RAB27B: variants seen among roughly 807,000 people sequenced by gnomAD.
RAB27B encodes the protein ras-related protein Rab-27B.
In RAB27B, 15 loss-of-function variants were observed where a neutral mutation model predicts 24.6. The ratio of observed to expected loss-of-function variants is 0.61; its 90% confidence interval spans 0.41 to 0.94. RAB27B has a LOEUF of 0.94. Ranked by LOEUF, RAB27B falls within the 40% of genes least tolerant of loss-of-function variation. The pLI is 0.00. For synonymous variants in RAB27B, 105 were observed against 92.5 expected (o/e 1.14, Z -0.78); for missense variants, 261 against 266.8 (o/e 0.98, Z 0.15).
In RAB27B at chr18:54,892,151, T is replaced by C. The variant is rs149053976; in HGVS notation, c.*2738T>C. 164 of 152,236 alleles carry C rather than the reference T, an allele frequency of 1.1e-3. 1 individual carries two copies. The highest frequency in any genetic ancestry group is 3.9e-3 in the African/African-American group (163 of 41,562). 9.4% of individuals were successfully genotyped at this position (152,236 alleles called of 1,614,324 possible). The stretch of plus-strand genomic sequence containing the variant: ...AGCCAAGATATGTCCTGTTACTAAG[T>C]ATCTCCCAATGCTTTAGTAAAACGT... On this transcript the variant is annotated 3_prime_UTR_variant, in exon 6 of 6. Coordinates refer to ENST00000262094, the MANE Select transcript of RAB27B (RefSeq NM_004163.4).
At chr18:54,755,902 C>T (rs1405964690) in intron 2 of RAB27B, among the ~76,000 whole-genome samples, 1 of 152,024 alleles carries the variant, frequency 6.6e-6, no homozygotes. Context: ...AAGCAAATAC[C>T]AGCGCCACCA....
At chr18:54,792,162 C>T (rs865775614) in intron 2 of RAB27B, among the ~76,000 whole-genome samples, 2 of 152,194 alleles carry the variant, frequency 1.3e-5, no homozygotes, top group Non-Finnish European at 1.5e-5. Flanking sequence ...CACATGCCCA[C>T]TGGGTCTTCA....
At chr18:54,762,015 G>C (rs1819895) in intron 2 of RAB27B, among the ~76,000 whole-genome samples, 70,197 of 151,994 alleles carry the variant, frequency 0.46, 17,696 homozygotes, top group Middle Eastern at 0.58. Flanking sequence ...AAAAAGAGAA[G>C]ATACAGAAAC....
At chr18:54,761,839 C>T (rs573910919) in intron 2 of RAB27B, among the ~76,000 whole-genome samples, 1 of 152,274 alleles carries the variant, frequency 6.6e-6, no homozygotes, top group African/African-American at 2.4e-5. Context: ...TTCCCTGTAG[C>T]AGATTGACTA....
chr18:54,841,715 G>T (rs892368577), intron 1 of RAB27B, among the ~76,000 whole-genome samples: 1 of 152,288 alleles, frequency 6.6e-6, no homozygotes. Context: ...GTCCACCGTT[G>T]TAAACTAAAT....
intron 2 of RAB27B, among the ~76,000 whole-genome samples, chr18:54,733,660 C>CCCA (rs1909799655): frequency 7.2e-6 from 1 of 139,288 alleles, no homozygotes; most frequent in Admixed American, 7.1e-5. Context: ...GCCCCCCCCC[C>CCCA]CCAAATTTGC....
chr18:54,777,192 A>G (rs973820856), intron 2 of RAB27B, among the ~76,000 whole-genome samples: 1 of 152,254 alleles, frequency 6.6e-6, no homozygotes, highest in African/African-American at 2.4e-5. Context: ...AATAAAATGC[A>G]TGAAATGTTA....
At chr18:54,799,708 C>A (rs1909540823) in intron 2 of RAB27B, among the ~76,000 whole-genome samples, 2 of 145,042 alleles carry the variant, frequency 1.4e-5, no homozygotes, top group Admixed American at 1.5e-4. Context: ...CGGCTCACTG[C>A]AAGCTCTGCC....
intron 4 of RAB27B, 58 bp from the exon 5 acceptor site, chr18:54,887,937 T>C (rs1913210958): frequency 6.4e-7 from 1 of 1,569,468 alleles, no homozygotes; most frequent in Non-Finnish European, 8.7e-7. Flanking sequence ...ATAAGAGCAG[T>C]CATTTGACAT....
At chr18:54,868,603 C>CATTGTT (rs1555666518) in intron 1 of RAB27B, among the ~76,000 whole-genome samples, 1 of 150,922 alleles carries the variant, frequency 6.6e-6, no homozygotes, top group Non-Finnish European at 1.5e-5. Context: ...CTCTCAGTTT[C>CATTGTT]GTTGTTGTTG....
chr18:54,799,297 G>A (rs1054409061), intron 2 of RAB27B, among the ~76,000 whole-genome samples: 1 of 151,978 alleles, frequency 6.6e-6, no homozygotes, highest in Non-Finnish European at 1.5e-5. Flanking sequence ...TAACTTAATG[G>A]CACTTTGCTT....
intron 2 of RAB27B, among the ~76,000 whole-genome samples, chr18:54,805,115 T>TAGAGCCTCAGCGAGTTA (rs977852240): frequency 2.0e-5 from 3 of 151,994 alleles, no homozygotes; most frequent in Non-Finnish European, 4.4e-5. Flanking sequence ...GCATCCTCCC[T>TAGAGCCTCAGCGAGTTA]AGAGCCTCAG....
At chr18:54,760,992 ATTCT>A (rs1908168802) in intron 2 of RAB27B, among the ~76,000 whole-genome samples, 1 of 108,578 alleles carries the variant, frequency 9.2e-6, no homozygotes, top group Admixed American at 9.3e-5. Flanking sequence ...AAGGAGAGGT[ATTCT>A]TTTTTTTTTT....
At chr18:54,796,919 G>A (rs1287007752) in intron 2 of RAB27B, among the ~76,000 whole-genome samples, 2 of 152,204 alleles carry the variant, frequency 1.3e-5, no homozygotes, top group Non-Finnish European at 2.9e-5. Context: ...CCACACAGTA[G>A]TTGGTCCTGA....
rs553797275 is a variant in RAB27B, at chr18:54,791,189, C to A, written c.-20+73048C>A. On this transcript the variant is annotated intron_variant, in intron 2 of 4. Coordinates refer to the RAB27B transcript ENST00000586570. ...TATAGGCTTGTCTCACAATAGTGAT[C>A]TAGAGCATTAAAAAAAGAAAAAAGA... Among the ~76,000 whole-genome samples the A allele has an allele frequency of 2.6e-5, 4 of 151,404 alleles. No individual in the cohort carries two copies. The South Asian group carries it at 8.4e-4, about 32-fold the overall frequency.
chr18:54,852,913 G>A (rs1911641953), intron 1 of RAB27B, among the ~76,000 whole-genome samples: 1 of 152,150 alleles, frequency 6.6e-6, no homozygotes, highest in African/African-American at 2.4e-5. Context: ...AATGCAGGAT[G>A]TAGACACAGA....
At chr18:54,881,090 A>G (rs909449679) in intron 3 of RAB27B, among the ~76,000 whole-genome samples, 2 of 152,106 alleles carry the variant, frequency 1.3e-5, no homozygotes, top group African/African-American at 4.8e-5. Context: ...AGTGAGGGGG[A>G]GGAGTGATAA....
At chr18:54,734,961 CATTA>C (rs942649401) in intron 2 of RAB27B, among the ~76,000 whole-genome samples, 13 of 152,070 alleles carry the variant, frequency 8.5e-5, no homozygotes, top group Admixed American at 5.2e-4. Context: ...TTGTATAACA[CATTA>C]ATTAATAAGA....
chr18:54,762,666 A>C (rs913267948), intron 2 of RAB27B, among the ~76,000 whole-genome samples: 2 of 152,242 alleles, frequency 1.3e-5, no homozygotes, highest in Non-Finnish European at 2.9e-5. Context: ...ATTCTGAAAG[A>C]TTACTTGTCT....
Sources: gnomAD v4.1 joint callset for allele counts (sites outside exome capture counted in the v4.1 genomes callset) on GRCh38, gnomAD v4.1.1 for gene constraint, MANE v1.5 for transcripts, NCBI Gene and HGNC (gene_info 2026-07-23, HGNC 2026-07-21) for gene names.